The following FBXO34 variants were observed in gnomAD, a reference collection of about 807,000 sequenced individuals.
FBXO34 encodes the protein F-box protein 34.
A neutral mutation model predicts 24.5 loss-of-function variants in FBXO34; 12 were observed. The observed-to-expected ratio is 0.49, with a 90% confidence interval of 0.31 to 0.79. FBXO34 has a LOEUF of 0.79. Ranked by LOEUF, FBXO34 falls within the 30% of genes least tolerant of loss-of-function variation. The pLI is 0.04. For synonymous variants in FBXO34, 320 were observed against 311.9 expected (o/e 1.03, Z -0.27); for missense variants, 823 against 857.7 (o/e 0.96, Z 0.51).
At chr14:55,385,363 G>A in the FBXO34 span, among the ~76,000 whole-genome samples, 5 of 152,224 alleles carry the variant, frequency 3.3e-5, no homozygotes, top group East Asian at 7.7e-4. Context: ...CACAATCTTG[G>A]CTCACTGCGA....
the FBXO34 span, among the ~76,000 whole-genome samples, chr14:55,428,613 C>A: frequency 1.3e-5 from 2 of 151,748 alleles, no homozygotes; most frequent in Non-Finnish European, 2.9e-5. Flanking sequence ...GTTTAAGAAC[C>A]ATGGTTTCAA....
At chr14:55,439,618 C>CCCCCCCCCCCT in the FBXO34 span, among the ~76,000 whole-genome samples, 3 of 60,234 alleles carry the variant, frequency 5.0e-5, no homozygotes, top group Non-Finnish European at 9.5e-5. Context: ...AAGCAAACCC[C>CCCCCCCCCCCT]CCCCCGTCTC....
chr14:55,346,344 A>G (rs753985636), intron 1 of FBXO34, among the ~76,000 whole-genome samples: 4 of 152,196 alleles, frequency 2.6e-5, no homozygotes, highest in African/African-American at 4.8e-5. Context: ...GCTAGGGATA[A>G]AGAGTGGCAC....
chr14:55,406,014 C>A, the FBXO34 span, among the ~76,000 whole-genome samples: 6 of 152,226 alleles, frequency 3.9e-5, no homozygotes, highest in African/African-American at 1.4e-4. Context: ...GGGAAGTCTT[C>A]CCATCGAACA....
rs929869141 is a variant in FBXO34, at chr14:55,299,304, C to G, written c.-11+27767C>G. 3.5e-5 allele frequency: 25 copies of G among 707,958 alleles called. No individual in the cohort carries two copies. The East Asian group carries it at 5.9e-4, about 17-fold the overall frequency. The allele number at this position is 707,958 out of a possible 1,614,324, so 43.9% of individuals were successfully genotyped here. A position where few individuals can be genotyped will look rare whatever the true frequency, so the allele number is the denominator to read the frequency against. ...AGGATGGATGTGGTGCAGGCAGGTT[C>G]CATCGCTCTCGACTCTCACTCCAAA... is the stretch of plus-strand genomic sequence containing the variant. On this transcript the variant is annotated intron_variant, in intron 1 of 1. Coordinates refer to ENST00000313833, the MANE Select transcript of FBXO34 (RefSeq NM_017943.4).
chr14:55,379,972 G>A, the FBXO34 span, among the ~76,000 whole-genome samples: 2 of 152,104 alleles, frequency 1.3e-5, no homozygotes, highest in Admixed American at 6.5e-5. Context: ...TTCAGGGCAG[G>A]GCACAGTGGC....
At chr14:55,440,395 C>G in the FBXO34 span, 1 of 1,613,058 alleles carries the variant, frequency 6.2e-7, no homozygotes, top group Non-Finnish European at 8.5e-7. Context: ...GGCAGCCTCA[C>G]CTGAGCGGCG....
intron 1 of FBXO34, among the ~76,000 whole-genome samples, chr14:55,340,479 TC>T (rs1320326514): frequency 1.3e-5 from 2 of 151,930 alleles, no homozygotes; most frequent in Non-Finnish European, 2.9e-5. Context: ...ACTTTTGTGC[TC>T]AAGTGATCCT....
chr14:55,352,002 G>A lies in FBXO34; in HGVS notation c.1612G>A (p.Val538Met), dbSNP rs548219666. Residue 538 changes from valine to methionine, a missense_variant, in exon 2 of 2, where the codon GTG becomes ATG. This residue lies in a region of FBXO34 where 693 missense variants were observed against 659.1 expected (regional missense o/e 1.05). Coordinates refer to ENST00000313833, the MANE Select transcript of FBXO34 (RefSeq NM_017943.4). ...GCCATTTGTACTGCCAGCCTCTTCT[G>A]TGGAAAGTACATTACCAGTGCTTGA... is the stretch of plus-strand genomic sequence containing the variant. ...AEPFVLPASSVESTLPVLEAS... is the reference protein window; with the variant it reads ...AEPFVLPASSMESTLPVLEAS... 1 of 1,614,178 alleles carries A rather than the reference G, an allele frequency of 6.2e-7. No homozygotes were observed. Among genetic ancestry groups the A allele is most frequent in the Non-Finnish European group, 8.5e-7 (1 of 1,180,046 alleles).
At chr14:55,436,641 G>C in the FBXO34 span, 1 of 1,614,190 alleles carries the variant, frequency 6.2e-7, no homozygotes, top group Admixed American at 1.7e-5. Context: ...GAGACAAGGA[G>C]TCGGAGTTTG....
Position 55,351,190 on chromosome 14 carries a change from T to G in FBXO34, c.800T>G (p.Leu267Arg), listed in dbSNP as rs200764986. The G allele has an allele frequency of 4.8e-5, 77 of 1,614,220 alleles. No homozygotes were observed. The East Asian group carries it at 1.4e-3, about 29-fold the overall frequency. ...GAAGAACCCACAGAAAGGGGAAATC[T>G]TGAGGTTGGTGAACCACAGAGCGAA... ...ACEEPTERGN[L>R]EVGEPQSEPV... Residue 267 changes from leucine to arginine, a missense_variant, in exon 2 of 2, where the codon CTT (leucine) becomes CGT (arginine). This residue lies in a region of FBXO34 where 693 missense variants were observed against 659.1 expected (regional missense o/e 1.05). Coordinates refer to ENST00000313833, the MANE Select transcript of FBXO34 (RefSeq NM_017943.4).
intron 1 of FBXO34, among the ~76,000 whole-genome samples, chr14:55,277,599 A>C (rs1296490870): frequency 1.3e-5 from 2 of 152,132 alleles, no homozygotes; most frequent in Non-Finnish European, 2.9e-5. Context: ...TTTGGGCTCA[A>C]GTGATCCTCA....
At chr14:55,427,744 C>A in the FBXO34 span, among the ~76,000 whole-genome samples, 1 of 151,876 alleles carries the variant, frequency 6.6e-6, no homozygotes, top group East Asian at 1.9e-4. Context: ...GCTGTTGAGA[C>A]GGGAAGTCTG....
At chr14:55,276,390 T>G (rs1230775593) in intron 1 of FBXO34, among the ~76,000 whole-genome samples, 1 of 152,256 alleles carries the variant, frequency 6.6e-6, no homozygotes, top group Non-Finnish European at 1.5e-5. Flanking sequence ...TCTATCGGTC[T>G]ATCCATTCAT....
downstream of FBXO34, among the ~76,000 whole-genome samples, chr14:55,358,245 GC>G (rs1422878163): frequency 1.3e-5 from 2 of 152,198 alleles, no homozygotes; most frequent in Admixed American, 1.3e-4. Context: ...CTTTTCCACG[GC>G]CAGTGGTCTT....
the FBXO34 span, among the ~76,000 whole-genome samples, chr14:55,379,291 T>C: frequency 6.6e-6 from 1 of 151,990 alleles, no homozygotes; most frequent in Non-Finnish European, 1.5e-5. Context: ...ATCCCAGCAC[T>C]GTGGGAGGCA....
At chr14:55,424,308 A>G in the FBXO34 span, 4 of 1,162,300 alleles carry the variant, frequency 3.4e-6, no homozygotes, top group East Asian at 2.4e-5. Flanking sequence ...CTCCTTTCCC[A>G]TAACATGTAA....
the FBXO34 span, among the ~76,000 whole-genome samples, chr14:55,439,740 C>A: frequency 6.6e-6 from 1 of 151,688 alleles, no homozygotes; most frequent in Non-Finnish European, 1.5e-5. Flanking sequence ...ACCATCCTGG[C>A]TAACACGGTG....
At chr14:55,422,649 C>T in the FBXO34 span, among the ~76,000 whole-genome samples, 7 of 152,108 alleles carry the variant, frequency 4.6e-5, no homozygotes, top group Non-Finnish European at 8.8e-5. Flanking sequence ...GCCAGAGGTT[C>T]GAGACCAGCC....
Sources: allele counts gnomAD v4.1 joint callset (sites outside exome capture counted in the v4.1 genomes callset), GRCh38; gene constraint gnomAD v4.1.1; regional missense constraint gnomAD v4.1.1; transcripts MANE v1.5; gene names NCBI Gene and HGNC (gene_info 2026-07-23, HGNC 2026-07-21).